The following XKR6 variants were observed in gnomAD, a reference collection of about 807,000 sequenced individuals.
XKR6 encodes the protein XK related 6, also known as XK-related protein 6.
XKR6 carries 22 observed loss-of-function variants against 56.7 expected under a neutral mutation model. That is an observed-to-expected ratio of 0.39 (90% confidence interval 0.28 to 0.55). The LOEUF (loss-of-function observed/expected upper bound fraction) is 0.55, where lower values mean the gene tolerates loss of function less well. Among genes scored for constraint, XKR6 ranks in the 20% least tolerant of loss-of-function variants. XKR6 has a pLI of 0.66. For missense variants in XKR6, 852 were observed against 889.0 expected (o/e 0.96, Z 0.53); for synonymous variants, 524 against 387.8 (o/e 1.35, Z -4.13).
Position 11,056,019 on chromosome 8 carries a change from G to C in XKR6, c.765-131189C>G, listed in dbSNP as rs184863895. 1.8e-3 allele frequency among the ~76,000 whole-genome samples: 277 copies of C among 151,348 alleles called. 1 individual carries two copies. Among genetic ancestry groups the C allele is most frequent in the Non-Finnish European group, 2.7e-3 (185 of 68,016 alleles). ...CGGGCCTGTGCAGCCCTTGGGTCTC[G>C]ATTCAGGATTCCTCTCCCGCCCCAC... is the stretch of plus-strand genomic sequence containing the variant. On this transcript the variant is annotated intron_variant, in intron 1 of 2. Coordinates refer to ENST00000416569, the MANE Select transcript of XKR6 (RefSeq NM_173683.4).
At chr8:11,047,080 G>A (rs1563102056) in intron 1 of XKR6, among the ~76,000 whole-genome samples, 1 of 152,112 alleles carries the variant, frequency 6.6e-6, no homozygotes, top group African/African-American at 2.4e-5. Context: ...CTAACGCACA[G>A]CATGGTGACT....
chr8:11,068,641 G>A (rs1563115761), intron 1 of XKR6, among the ~76,000 whole-genome samples: 1 of 152,132 alleles, frequency 6.6e-6, no homozygotes, highest in Non-Finnish European at 1.5e-5. Context: ...GTGGACATGG[G>A]CAGCGTGGGT....
intron 1 of XKR6, among the ~76,000 whole-genome samples, chr8:11,043,251 G>C (rs1799329464): frequency 6.6e-6 from 1 of 152,100 alleles, no homozygotes; most frequent in Non-Finnish European, 1.5e-5. Flanking sequence ...CTCTTAGCGT[G>C]AGCACTCAAA....
chr8:11,106,027 C>A (rs1361753225), intron 1 of XKR6: 1 of 152,132 alleles, frequency 6.6e-6, no homozygotes, highest in Non-Finnish European at 1.5e-5. Flanking sequence ...CAGACTACAT[C>A]CTTTTACACA....
chr8:10,939,786 G>A (rs1563300105), intron 1 of XKR6, among the ~76,000 whole-genome samples: 1 of 152,244 alleles, frequency 6.6e-6, no homozygotes, highest in Non-Finnish European at 1.5e-5. Flanking sequence ...GAGCAATGCA[G>A]AGCTGTCCTC....
At chr8:11,158,825 T>C (rs1011109065) in intron 1 of XKR6, among the ~76,000 whole-genome samples, 3 of 152,134 alleles carry the variant, frequency 2.0e-5, no homozygotes, top group African/African-American at 4.8e-5. Flanking sequence ...TGCAAAAATA[T>C]AGGCAGAGAT....
At chr8:11,169,083 G>C (rs1471778896) in intron 1 of XKR6, among the ~76,000 whole-genome samples, 1 of 152,188 alleles carries the variant, frequency 6.6e-6, no homozygotes, top group Non-Finnish European at 1.5e-5. Context: ...AGTGGTCCCA[G>C]GCCAAGCTGA....
Position 10,954,909 on chromosome 8 carries a change from C to T in XKR6, c.765-30079G>A, listed in dbSNP as rs185812432. Among the ~76,000 whole-genome samples the T allele has an allele frequency of 2.9e-3, 342 of 116,678 alleles. 1 individual carries two copies. The highest frequency in any genetic ancestry group is 0.012 in the African/African-American group (326 of 27,680). The allele number at this position is 116,678 out of a possible 152,430, so 76.5% of individuals were successfully genotyped here. ...TTTAGACAGAGTTTCACTCTTTTCT[C>T]CCAGGCTGAAGTGCAGTGGTGCAAT... On this transcript the variant is annotated intron_variant, in intron 1 of 2. Transcript: ENST00000416569.
chr8:11,116,795 C>A (rs1799198417), intron 1 of XKR6, among the ~76,000 whole-genome samples: 4 of 152,202 alleles, frequency 2.6e-5, no homozygotes, highest in Non-Finnish European at 5.9e-5. Context: ...GCCATTTCCC[C>A]CTTTTTCCTT....
chr8:10,946,260 G>A (rs974900495), intron 1 of XKR6, among the ~76,000 whole-genome samples: 6 of 152,036 alleles, frequency 3.9e-5, no homozygotes, highest in Admixed American at 6.6e-5. Flanking sequence ...ACGAATAGCC[G>A]ATCCAAGCAC....
At chr8:11,018,760 C>T (rs1160290494) in intron 1 of XKR6, among the ~76,000 whole-genome samples, 1 of 152,164 alleles carries the variant, frequency 6.6e-6, no homozygotes, top group East Asian at 1.9e-4. Flanking sequence ...CTGCCCCAAA[C>T]CATCAATAGC....
intron 1 of XKR6, among the ~76,000 whole-genome samples, chr8:11,023,008 G>A (rs986110050): frequency 8.6e-5 from 13 of 152,012 alleles, no homozygotes; most frequent in Non-Finnish European, 1.6e-4. Flanking sequence ...CGGTGTCAGC[G>A]CTCCAAGGTA....
chr8:11,024,460 A>G (rs1349710620), intron 1 of XKR6, among the ~76,000 whole-genome samples: 1 of 152,190 alleles, frequency 6.6e-6, no homozygotes, highest in East Asian at 1.9e-4. Context: ...AATCCAGGTA[A>G]AATGCCTAGT....
chr8:11,064,627 T>C (rs961417159), intron 1 of XKR6, among the ~76,000 whole-genome samples: 1 of 152,266 alleles, frequency 6.6e-6, no homozygotes, highest in Non-Finnish European at 1.5e-5. Flanking sequence ...TCCTCAGACA[T>C]TTCAGATACT....
chr8:10,945,084 G>A (rs1337807724), intron 1 of XKR6, among the ~76,000 whole-genome samples: 1 of 152,178 alleles, frequency 6.6e-6, no homozygotes, highest in Non-Finnish European at 1.5e-5. Flanking sequence ...CATTGCCTGG[G>A]TGAAACTGGC....
At chr8:11,131,083 G>C (rs79495408) in intron 1 of XKR6, among the ~76,000 whole-genome samples, 8,378 of 152,132 alleles carry the variant, frequency 0.055, 274 homozygotes, top group South Asian at 0.11. Context: ...GCTGTGGATG[G>C]TAATCCTTGT....
At chr8:10,972,627 G>A (rs938389909) in intron 1 of XKR6, among the ~76,000 whole-genome samples, 1 of 152,220 alleles carries the variant, frequency 6.6e-6, no homozygotes, top group African/African-American at 2.4e-5. Context: ...GACGAATACT[G>A]TATGATCCCA....
At chr8:10,918,340 A>C (rs907174941) in intron 2 of XKR6, among the ~76,000 whole-genome samples, 21 of 152,176 alleles carry the variant, frequency 1.4e-4, no homozygotes, top group Non-Finnish European at 2.5e-4. Flanking sequence ...CATTTGCAAA[A>C]AGCCAAGTTC....
At chr8:11,107,283 T>C (rs28601819) in intron 1 of XKR6, among the ~76,000 whole-genome samples, 7,901 of 151,694 alleles carry the variant, frequency 0.052, 690 homozygotes, top group African/African-American at 0.18. Context: ...CACTGCATGC[T>C]CAAACTCCTG....
Sources: gnomAD v4.1 joint callset for allele counts (sites outside exome capture counted in the v4.1 genomes callset) on GRCh38, gnomAD v4.1.1 for gene constraint, MANE v1.5 for transcripts, NCBI Gene and HGNC (gene_info 2026-07-23, HGNC 2026-07-21) for gene names.